The following ASAP3 variants were observed in gnomAD, a reference collection of about 807,000 sequenced individuals.
ASAP3 encodes ArfGAP with SH3 domain, ankyrin repeat and PH domain 3, also known as arf-GAP with SH3 domain, ANK repeat and PH domain-containing protein 3.
In ASAP3, 85 loss-of-function variants were observed where a neutral mutation model predicts 118.2. The observed-to-expected ratio is 0.72, with a 90% CI of 0.60 to 0.86. ASAP3 has a LOEUF of 0.86. Among genes scored for constraint, ASAP3 ranks in the 40% least tolerant of loss-of-function variants. The pLI is 0.00. For missense variants in ASAP3, 1,026 were observed against 1,175.0 expected (o/e 0.87, Z 1.85); for synonymous variants, 432 against 477.4 (o/e 0.90, Z 1.24).
At chr1:23,465,516 G>T (rs612177) in intron 1 of ASAP3, among the ~76,000 whole-genome samples, 130,304 of 150,512 alleles carry the variant, frequency 0.87, 56,559 homozygotes, top group Middle Eastern at 0.92. Context: ...CTTTTTTTTT[G>T]GGGGGGGGAT....
At chr1:23,464,497 AT>A (rs1014100960) in intron 1 of ASAP3, among the ~76,000 whole-genome samples, 1 of 151,468 alleles carries the variant, frequency 6.6e-6, no homozygotes, top group East Asian at 2.0e-4. Flanking sequence ...ATTACAAAAA[AT>A]TTTTTAAAAA....
chr1:23,437,583 A>T lies in ASAP3; in HGVS notation c.1103-111T>A. ...GCCACATGGAGATGTGTCCCTGACA[A>T]GTCGGACTCTCAAGCTAGGAGTGGG... is the stretch of plus-strand genomic sequence containing the variant. On this transcript the variant is annotated intron_variant, in intron 12 of 24. Coordinates refer to ENST00000336689, the MANE Select transcript of ASAP3 (RefSeq NM_017707.4). The surrounding 1 kb of genome is among the most constrained non-coding windows in gnomAD (Gnocchi z 6.1). 7.5e-7 allele frequency: 1 copy of T among 1,338,552 alleles called. No homozygotes were observed. The highest frequency in any genetic ancestry group is 1.3e-5 in the South Asian group (1 of 74,688). The allele number at this position is 1,338,552 out of a possible 1,614,324, so 82.9% of individuals were successfully genotyped here. A position where few individuals can be genotyped will look rare whatever the true frequency, so the allele number is the denominator to read the frequency against.
chr1:23,467,334 C>T (rs1257324715), intron 1 of ASAP3, among the ~76,000 whole-genome samples: 1 of 152,094 alleles, frequency 6.6e-6, no homozygotes, highest in Non-Finnish European at 1.5e-5. Context: ...TCCCAAGTAG[C>T]TGGGACTACA....
At chr1:23,439,802 G>T (rs1015000366) in intron 10 of ASAP3, among the ~76,000 whole-genome samples, 1 of 152,058 alleles carries the variant, frequency 6.6e-6, no homozygotes, top group African/African-American at 2.4e-5. Flanking sequence ...GCATTTCACA[G>T]CAGTTTTGTT....
At chr1:23,451,613 T>C (rs766808700) in intron 4 of ASAP3, 85 bp from the exon 5 acceptor site, 2 of 1,423,242 alleles carry the variant, frequency 1.4e-6, no homozygotes, top group African/African-American at 1.4e-5. Flanking sequence ...TAGGAGGACC[T>C]GCTAGTGTGC....
intron 1 of ASAP3, among the ~76,000 whole-genome samples, chr1:23,460,548 C>T (rs996368913): frequency 6.8e-6 from 1 of 147,750 alleles, no homozygotes; most frequent in African/African-American, 2.5e-5. Flanking sequence ...CACACACACA[C>T]ACAAATAAAT....
chr1:23,431,889 C>T lies in ASAP3; in HGVS notation c.2353G>A (p.Glu785Lys). 1 of 1,610,662 alleles carries T rather than the reference C, an allele frequency of 6.2e-7. No individual in the cohort carries two copies. The highest frequency in any genetic ancestry group is 8.5e-7 in the Non-Finnish European group (1 of 1,179,118). ...AGGCTCTCAGGGGTCTCAGGGGCCTCTGAACTCAGGCTGGAGACTTCAGAA... is the reference window on the plus strand; with the variant it reads ...AGGCTCTCAGGGGTCTCAGGGGCCTTTGAACTCAGGCTGGAGACTTCAGAA... The part of the protein sequence containing the change: ...DRSEVSSLSS[E>K]APETPESLGS... The change falls in exon 23 of 25, where the codon GAG (glutamate) becomes AAG (lysine). Residue 785 changes from glutamate (E) to lysine (K), a missense_variant. Coordinates refer to ENST00000336689, the MANE Select transcript of ASAP3 (RefSeq NM_017707.4).
At chr1:23,470,835 C>T (rs996226041) in intron 1 of ASAP3, among the ~76,000 whole-genome samples, 1 of 152,246 alleles carries the variant, frequency 6.6e-6, no homozygotes, top group African/African-American at 2.4e-5. Context: ...AAGGGAGCCA[C>T]ACCCTCGATG....
At chr1:23,455,766 G>T in intron 3 of ASAP3, 115 bp downstream of exon 3, 1 of 1,377,042 alleles carries the variant, frequency 7.3e-7, no homozygotes, top group Non-Finnish European at 1.0e-6. Flanking sequence ...TCTGAACTCA[G>T]GTCAGAGATC....
intron 22 of ASAP3, among the ~76,000 whole-genome samples, chr1:23,432,875 C>T (rs1228908503): frequency 6.6e-6 from 1 of 152,196 alleles, no homozygotes; most frequent in African/African-American, 2.4e-5. Flanking sequence ...AATCCTACAT[C>T]AGAGACTTAT....
chr1:23,441,799 G>C, intron 7 of ASAP3, 69 bp from the exon 8 acceptor site: 1 of 1,542,986 alleles, frequency 6.5e-7, no homozygotes, highest in Non-Finnish European at 8.9e-7. Context: ...CCAGAAGTGT[G>C]GGAGAAGCTG....
At chr1:23,431,966 C>G (rs751896429) in intron 22 of ASAP3, 48 bp from the exon 23 acceptor site, 55 of 1,534,948 alleles carry the variant, frequency 3.6e-5, no homozygotes, top group Non-Finnish European at 4.2e-5. Flanking sequence ...TTATCACTTG[C>G]TCTGTGCCCA....
intron 5 of ASAP3, among the ~76,000 whole-genome samples, chr1:23,449,740 C>T (rs1641157031): frequency 6.6e-6 from 1 of 152,144 alleles, no homozygotes; most frequent in Non-Finnish European, 1.5e-5. Context: ...GATAACTCAC[C>T]GAATAACCTC....
chr1:23,441,428 G>A lies in ASAP3; in HGVS notation c.793C>T (p.Arg265Trp), dbSNP rs151232489. ...TGCAGTGTCCCTCGGAGGGAGTCCC[G>A]GAGCTGGGTCAGCTTCTGTAGCTCG... is the stretch of plus-strand genomic sequence containing the variant. Reference protein sequence around the residue: ...EDELQKLTQLRDSLRGTLQLE... With the variant: ...EDELQKLTQLWDSLRGTLQLE... Residue 265 changes from arginine (R) to tryptophan (W), a missense_variant, in exon 9 of 25, where the codon CGG (arginine) becomes TGG (tryptophan). Arg to Trp is a moderately radical substitution (Grantham distance 101, BLOSUM62 -3). Transcript: ENST00000336689. 106 of 1,613,964 alleles carry A rather than the reference G, an allele frequency of 6.6e-5. No homozygotes were observed. Among genetic ancestry groups the A allele is most frequent in the Admixed American group, 5.0e-5 (3 of 59,976 alleles).
At chr1:23,469,417 G>T (rs1416121039) in intron 1 of ASAP3, among the ~76,000 whole-genome samples, 1 of 152,148 alleles carries the variant, frequency 6.6e-6, no homozygotes, top group Non-Finnish European at 1.5e-5. Flanking sequence ...AAGTGATGGG[G>T]TGCTCCTGAA....
intron 1 of ASAP3, among the ~76,000 whole-genome samples, chr1:23,470,478 G>C (rs1641924984): frequency 6.6e-6 from 1 of 152,204 alleles, no homozygotes; most frequent in African/African-American, 2.4e-5. Flanking sequence ...TACACTGCAA[G>C]GCCTGGGAGC....
rs1304859967 is a variant in ASAP3, at chr1:23,438,312, G to A, written c.1102+435C>T. On this transcript the variant is annotated intron_variant, in intron 12 of 24. Transcript: ENST00000336689. The surrounding 1 kb of genome is among the most constrained non-coding windows in gnomAD (Gnocchi z 4.9). ...GTACCCACCCCACACCCCTGCCAGA[G>A]AGTTTCCTGAGGACAAGATCTAGGT... is the stretch of plus-strand genomic sequence containing the variant. 6.6e-6 allele frequency among the ~76,000 whole-genome samples: 1 copy of A among 152,122 alleles called. No individual in the cohort carries two copies. The highest frequency in any genetic ancestry group is 1.5e-5 in the Non-Finnish European group (1 of 68,038).
At position 23,484,112 on chromosome 1, in the gene ASAP3, C is replaced by T. The variant is rs1455934163; in HGVS notation, c.22G>A (p.Ala8Thr). 34 of 1,318,362 alleles carry T rather than the reference C, an allele frequency of 2.6e-5. No individual in the cohort carries two copies. Among genetic ancestry groups the T allele is most frequent in the Non-Finnish European group, 3.1e-5 (32 of 1,038,444 alleles). 81.7% of individuals were successfully genotyped at this position (1,318,362 alleles called of 1,614,324 possible). MPEQFSV[A>T]EFLAVTAEDL... ...TCCGCGGTGACGGCCAGGAACTCGG[C>T]GACGCTGAACTGCTCCGGCATGGCG... The change falls in exon 1 of 25, where the codon GCC becomes ACC. Residue 8 changes from alanine (A) to threonine (T), a missense_variant. Physicochemically the swap from Ala to Thr is moderately conservative, Grantham distance 58. Coordinates refer to ENST00000336689, the MANE Select transcript of ASAP3 (RefSeq NM_017707.4).
At chr1:23,459,925 C>T (rs1026526047) in intron 1 of ASAP3, among the ~76,000 whole-genome samples, 1 of 152,254 alleles carries the variant, frequency 6.6e-6, no homozygotes, top group Non-Finnish European at 1.5e-5. Flanking sequence ...GGCCACTTGG[C>T]GACCTAGAAT....
Sources: gnomAD v4.1 joint callset for allele counts (sites outside exome capture counted in the v4.1 genomes callset) on GRCh38, gnomAD v4.1.1 for gene constraint, Gnocchi (gnomAD v3.1) non-coding constraint, MANE v1.5 for transcripts, NCBI Gene and HGNC (gene_info 2026-07-23, HGNC 2026-07-21) for gene names.